Variants in ARHGAP29 observed in about 807,000 individuals in gnomAD.
ARHGAP29 encodes Rho GTPase activating protein 29.
ARHGAP29 carries 43 observed loss-of-function variants against 122.6 expected under a neutral mutation model. The observed-to-expected ratio is 0.35, with a 90% CI of 0.27 to 0.45. The LOEUF (loss-of-function observed/expected upper bound fraction) is 0.45. Among genes scored for constraint, ARHGAP29 ranks in the 20% least tolerant of loss-of-function variants. The pLI, the probability that ARHGAP29 is intolerant of heterozygous loss-of-function variation, is 1.00. For synonymous variants in ARHGAP29, 506 were observed against 497.1 expected, an observed-to-expected ratio of 1.02 and a Z score of -0.24; for missense variants, 1,303 against 1,477.2, an observed-to-expected ratio of 0.88 and a Z score of 1.93.
At chr1:94,285,647 T>C in the ARHGAP29 span, among the ~76,000 whole-genome samples, 1 of 151,754 alleles carries the variant, frequency 6.6e-6, no homozygotes, top group African/African-American at 2.4e-5. Flanking sequence ...GAGGCCAAAG[T>C]GGGTGGATCA....
At chr1:94,287,069 C>A in the ARHGAP29 span, among the ~76,000 whole-genome samples, 1 of 152,188 alleles carries the variant, frequency 6.6e-6, no homozygotes, top group Non-Finnish European at 1.5e-5. Flanking sequence ...GGCTCTGGAA[C>A]TTCTGATTGA....
chr1:94,204,168 GA>G (rs1247730862), intron 7 of ARHGAP29, among the ~76,000 whole-genome samples, 174 bp from the exon 8 acceptor site: 1 of 146,520 alleles, frequency 6.8e-6, no homozygotes, highest in African/African-American at 2.5e-5. Flanking sequence ...TTTAAAAAGA[GA>G]CATGGTCTCA....
In ARHGAP29 at chr1:94,179,738, C is replaced by T. The variant is rs1649333688; in HGVS notation, c.2467G>A (p.Val823Ile). 7 of 1,606,702 alleles carry T rather than the reference C, an allele frequency of 4.4e-6. No individual in the cohort carries two copies. The highest frequency in any genetic ancestry group is 6.0e-6 in the Non-Finnish European group (7 of 1,174,818). ...TAAAATTCTTACCGCTTTAGATGTA[C>T]TATAAGGAAATGAAGACTGTTAAAA... ...SNFNSLHFLI[V>I]HLKRVVDHAE... is the part of the protein sequence containing the mutation. Residue 823 changes from valine to isoleucine, a missense_variant, in exon 20 of 23, where the codon GTA becomes ATA. Around this residue, in one of 3 missense-constraint regions of ARHGAP29, gnomAD observed 620 missense variants for 651.2 expected, o/e 0.95. Coordinates refer to ENST00000260526, the MANE Select transcript of ARHGAP29 (RefSeq NM_004815.4).
At chr1:94,311,620 C>T in the ARHGAP29 span, among the ~76,000 whole-genome samples, 3 of 152,178 alleles carry the variant, frequency 2.0e-5, no homozygotes, top group Admixed American at 6.5e-5. Context: ...ATCTCAAACC[C>T]TTCGTGCTGC....
chr1:94,234,316 T>G (rs1293936295), intron 1 of ARHGAP29, among the ~76,000 whole-genome samples: 2 of 152,334 alleles, frequency 1.3e-5, no homozygotes, highest in East Asian at 1.9e-4. Context: ...TTTCAATTAA[T>G]TTTTATAGAA....
upstream of ARHGAP29, chr1:94,237,764 T>A: frequency 9.1e-6 from 9 of 985,412 alleles, no homozygotes; most frequent in Non-Finnish European, 1.1e-5. Context: ...GGCCGGACGC[T>A]GTCCCAGCAT....
rs1266259230 is a variant in ARHGAP29, at chr1:94,171,095, T to C, written c.*2774A>G. 6.6e-6 allele frequency among the ~76,000 whole-genome samples: 1 copy of C among 152,198 alleles called. No homozygotes were observed. Among genetic ancestry groups the C allele is most frequent in the Admixed American group, 6.5e-5 (1 of 15,276 alleles). ...ACTGACTATAAGTTATTTAACAATA[T>C]ACAATGGTTGTCATTTAGAGAGATG... On this transcript the variant is annotated 3_prime_UTR_variant, in exon 23 of 23. Coordinates refer to ENST00000260526, the MANE Select transcript of ARHGAP29 (RefSeq NM_004815.4).
chr1:94,231,581 T>C lies in ARHGAP29; in HGVS notation c.31A>G (p.Lys11Glu), dbSNP rs1652922173. The C allele has an allele frequency of 3.7e-6, 6 of 1,613,640 alleles. No individual in the cohort carries two copies. Among genetic ancestry groups the C allele is most frequent in the Non-Finnish European group, 3.4e-6 (4 of 1,179,714 alleles). Residue 11 changes from lysine to glutamate, a missense_variant, in exon 2 of 23, where the codon AAA becomes GAA. This residue lies in a region of ARHGAP29 where 592 missense variants were observed against 648.2 expected (regional missense o/e 0.91). Transcript: ENST00000260526. MIAHKQKKTK[K>E]KRAWASGQLS... ...TGACCTGATGCCCAAGCACGTTTTT[T>C]CTTTGTCTTTTTCTGTTTGTGAGCA...
chr1:94,264,379 A>C (rs899633414), intron 1 of ARHGAP29, among the ~76,000 whole-genome samples: 1 of 152,130 alleles, frequency 6.6e-6, no homozygotes, highest in Admixed American at 6.5e-5. Flanking sequence ...AAGACTGAGA[A>C]GACTCCATTT....
At chr1:94,254,454 T>C (rs556102943) in intron 1 of ARHGAP29, among the ~76,000 whole-genome samples, 102 of 152,338 alleles carry the variant, frequency 6.7e-4, no homozygotes, top group African/African-American at 2.2e-3. Flanking sequence ...GACAGTAAGT[T>C]GCCTTGCTTA....
In ARHGAP29 at chr1:94,170,267, G is replaced by A. The variant is rs2101282328; in HGVS notation, c.*3602C>T. Among the ~76,000 whole-genome samples, 1 of 152,272 alleles carries A rather than the reference G, an allele frequency of 6.6e-6. No individual in the cohort carries two copies. The highest frequency in any genetic ancestry group is 2.1e-4 in the South Asian group (1 of 4,822). ...ATTGACATTGTGTGCATCCTGGCAT[G>A]ACACATTTGAGTATAGAGCATCATT... On this transcript the variant is annotated 3_prime_UTR_variant, in exon 23 of 23. Coordinates refer to ENST00000260526, the MANE Select transcript of ARHGAP29 (RefSeq NM_004815.4).
chr1:94,180,287 C>T (rs534584524), intron 19 of ARHGAP29, among the ~76,000 whole-genome samples: 3 of 152,258 alleles, frequency 2.0e-5, no homozygotes, highest in Non-Finnish European at 2.9e-5. Flanking sequence ...TGATCTTCAA[C>T]TCTTTTATTG....
At chr1:94,299,951 T>G in the ARHGAP29 span, among the ~76,000 whole-genome samples, 1 of 152,186 alleles carries the variant, frequency 6.6e-6, no homozygotes, top group Non-Finnish European at 1.5e-5. Context: ...GAGAACTAGA[T>G]TTAACTCTGT....
chr1:94,246,164 C>G (rs1053273372), intron 1 of ARHGAP29, among the ~76,000 whole-genome samples: 2 of 152,176 alleles, frequency 1.3e-5, no homozygotes, highest in African/African-American at 4.8e-5. Context: ...TGTATACATA[C>G]TGTAAAGCTC....
At chr1:94,300,376 T>A in the ARHGAP29 span, among the ~76,000 whole-genome samples, 707 of 152,310 alleles carry the variant, frequency 4.6e-3, 4 homozygotes, top group Non-Finnish European at 7.1e-3. Flanking sequence ...GTTTCAAGCC[T>A]CTCCGTCTCA....
At chr1:94,185,225 C>T (rs1224471635) in intron 17 of ARHGAP29, 117 bp downstream of exon 17, 2 of 1,262,390 alleles carry the variant, frequency 1.6e-6, no homozygotes, top group African/African-American at 3.1e-5. Flanking sequence ...AGAAGGTGTA[C>T]TGTAGTACAA....
At chr1:94,310,959 GC>G in the ARHGAP29 span, among the ~76,000 whole-genome samples, 1 of 152,114 alleles carries the variant, frequency 6.6e-6, no homozygotes, top group East Asian at 1.9e-4. Flanking sequence ...TCTCCCACTT[GC>G]CCTTCTCTAC....
At chr1:94,206,911 T>G (rs1403530609) in intron 5 of ARHGAP29, among the ~76,000 whole-genome samples, 1 of 149,478 alleles carries the variant, frequency 6.7e-6, no homozygotes, top group African/African-American at 2.4e-5. Context: ...TATATATATA[T>G]TTAATATTAT....
intron 1 of ARHGAP29, among the ~76,000 whole-genome samples, chr1:94,244,629 G>C (rs1328921587): frequency 6.6e-6 from 1 of 152,006 alleles, no homozygotes; most frequent in Non-Finnish European, 1.5e-5. Flanking sequence ...AATACTCAGA[G>C]ATGGTGGGTT....
Sources: gnomAD v4.1 joint callset for allele counts (sites outside exome capture counted in the v4.1 genomes callset) on GRCh38, gnomAD v4.1.1 for gene constraint, gnomAD v4.1.1 regional missense constraint, MANE v1.5 for transcripts, NCBI Gene and HGNC (gene_info 2026-07-23, HGNC 2026-07-21) for gene names.